PTK2: variants seen among roughly 807,000 people sequenced by gnomAD.
PTK2 encodes the protein focal adhesion kinase 1.
A neutral mutation model predicts 150.1 loss-of-function variants in PTK2; 45 were observed. That is an observed-to-expected ratio of 0.30 (90% CI 0.24 to 0.38). The LOEUF is 0.38. Ranked by LOEUF, PTK2 falls within the 10% of genes least tolerant of loss-of-function variation. The pLI is 1.00. For missense variants in PTK2, 919 were observed against 1,307.3 expected, an observed-to-expected ratio of 0.70 and a Z score of 4.58; for synonymous variants, 432 against 449.2, an observed-to-expected ratio of 0.96 and a Z score of 0.48.
chr8:140,922,885 C>T (rs2100168066), intron 2 of PTK2, among the ~76,000 whole-genome samples: 1 of 152,136 alleles, frequency 6.6e-6, no homozygotes, highest in Non-Finnish European at 1.5e-5. Flanking sequence ...ATTTTTTAGT[C>T]AGACTGAACA....
intron 27 of PTK2, among the ~76,000 whole-genome samples, chr8:140,681,624 A>C (rs997832741): frequency 6.6e-6 from 1 of 151,728 alleles, no homozygotes; most frequent in African/African-American, 2.4e-5. Flanking sequence ...AAAAATACAA[A>C]AAATTAGCCG....
intron 16 of PTK2, 39 bp downstream of exon 19, chr8:140,761,126 A>T (rs1039662287): frequency 2.3e-5 from 31 of 1,369,288 alleles, no homozygotes; most frequent in Non-Finnish European, 3.0e-5. Flanking sequence ...TTAAATAGTC[A>T]AAATTAGTCT....
chr8:140,720,449 CTCAA>C (rs1439741850), intron 22 of PTK2, among the ~76,000 whole-genome samples: 1 of 151,984 alleles, frequency 6.6e-6, no homozygotes, highest in East Asian at 1.9e-4. Context: ...AACAGCAAGG[CTCAA>C]TCAAACTCAA....
chr8:140,819,232 T>A (rs1364620405), intron 8 of PTK2, among the ~76,000 whole-genome samples: 1 of 152,242 alleles, frequency 6.6e-6, no homozygotes. Flanking sequence ...AAATTCACCA[T>A]CTTAACCATT....
At chr8:140,866,152 C>A (rs1008894345) in intron 4 of PTK2, among the ~76,000 whole-genome samples, 3 of 152,162 alleles carry the variant, frequency 2.0e-5, no homozygotes, top group Non-Finnish European at 4.4e-5. Flanking sequence ...TATTCGCATT[C>A]TGCAGACTAA....
chr8:140,717,456 G>A (rs1175105268), intron 23 of PTK2, 142 bp downstream of exon 26: 3 of 645,752 alleles, frequency 4.6e-6, no homozygotes, highest in Admixed American at 5.3e-5. Context: ...CGAGCAAAAA[G>A]GAAACAATTA....
chr8:140,672,453 G>T (rs2095677331), intron 29 of PTK2, among the ~76,000 whole-genome samples: 1 of 152,182 alleles, frequency 6.6e-6, no homozygotes, highest in Non-Finnish European at 1.5e-5. Context: ...CCTGGGGCTT[G>T]GAGGCCTGGT....
chr8:140,899,778 A>T (rs925774320), intron 2 of PTK2, among the ~76,000 whole-genome samples: 1 of 152,216 alleles, frequency 6.6e-6, no homozygotes, highest in Non-Finnish European at 1.5e-5. Flanking sequence ...CATCCCAGAG[A>T]TGCAAGGAGA....
chr8:140,794,079 G>C (rs1208733327), intron 12 of PTK2, among the ~76,000 whole-genome samples: 1 of 152,134 alleles, frequency 6.6e-6, no homozygotes, highest in Non-Finnish European at 1.5e-5. Flanking sequence ...AGCCCTCCCT[G>C]GTTTAACCTC....
intron 23 of PTK2, among the ~76,000 whole-genome samples, chr8:140,706,947 A>G (rs1425208163): frequency 1.3e-5 from 2 of 152,246 alleles, no homozygotes; most frequent in Admixed American, 6.5e-5. Context: ...AAGGGGGAAC[A>G]GTCCATGTCC....
At chr8:140,900,941 G>A (rs571834310) in intron 2 of PTK2, among the ~76,000 whole-genome samples, 10 of 151,858 alleles carry the variant, frequency 6.6e-5, no homozygotes, top group Admixed American at 1.3e-4. Flanking sequence ...AAAAGACCCT[G>A]AATAGCCAAA....
rs370038599 is a variant in PTK2 at position 140,969,277 on chromosome 8, T to C, written c.-122+31848A>G. Reference sequence around the variant, plus strand: ...GGAACCAGGAAAACCTCAATTCCCATAGAAAAAGAAAATCAAGACAAGCCA... The same window carrying C: ...GGAACCAGGAAAACCTCAATTCCCACAGAAAAAGAAAATCAAGACAAGCCA... On this transcript the variant is annotated intron_variant, in intron 1 of 31. Coordinates refer to ENST00000522684, the Ensembl canonical transcript of PTK2. Among the ~76,000 whole-genome samples the C allele has an allele frequency of 1.5e-3, 223 of 152,078 alleles. 2 individuals carry two copies. Among genetic ancestry groups the C allele is most frequent in the African/African-American group, 5.2e-3 (215 of 41,474 alleles).
chr8:140,971,234 C>T (rs77926027), intron 1 of PTK2, among the ~76,000 whole-genome samples: 2,937 of 152,284 alleles, frequency 0.019, 98 homozygotes, highest in African/African-American at 0.066. Flanking sequence ...GGGGAGCAGA[C>T]AAATGATTTG....
intron 1 of PTK2, among the ~76,000 whole-genome samples, chr8:140,987,459 G>A (rs1401657936): frequency 6.6e-6 from 1 of 152,196 alleles, no homozygotes; most frequent in African/African-American, 2.4e-5. Context: ...GGGATTATAG[G>A]CATCAGCCAC....
chr8:140,679,837 C>A (rs536334373), intron 27 of PTK2, among the ~76,000 whole-genome samples: 1 of 152,248 alleles, frequency 6.6e-6, no homozygotes, highest in Admixed American at 6.5e-5. Flanking sequence ...TCCCTGAAGC[C>A]GTGGCACATT....
intron 1 of PTK2, among the ~76,000 whole-genome samples, chr8:140,978,822 C>T (rs1261626221): frequency 6.6e-6 from 1 of 151,122 alleles, no homozygotes; most frequent in Non-Finnish European, 1.5e-5. Flanking sequence ...ATGTTTATTG[C>T]GGCACTATTC....
chr8:140,994,105 A>T (rs920863219), intron 1 of PTK2, among the ~76,000 whole-genome samples: 2 of 152,200 alleles, frequency 1.3e-5, no homozygotes, highest in African/African-American at 4.8e-5. Context: ...TATCAGTAAG[A>T]TTCGGGTAGG....
At chr8:140,665,108 ATTTC>A in intron 30 of PTK2, 111 bp from the exon 35 acceptor site, 2 of 1,009,854 alleles carry the variant, frequency 2.0e-6, no homozygotes, top group South Asian at 1.7e-5. Context: ...AAATTTCTGT[ATTTC>A]TTTTTCTCAG....
chr8:140,775,292 C>G (rs539018697), intron 14 of PTK2, among the ~76,000 whole-genome samples: 1 of 152,124 alleles, frequency 6.6e-6, no homozygotes, highest in South Asian at 2.1e-4. Context: ...GGGAGACCAG[C>G]CTGGGAAACA....
Sources: allele counts gnomAD v4.1 joint callset (sites outside exome capture counted in the v4.1 genomes callset), GRCh38; gene constraint gnomAD v4.1.1; transcripts MANE v1.5; gene names NCBI Gene and HGNC (gene_info 2026-07-23, HGNC 2026-07-21).